Variants in PHACTR4 observed in about 807,000 individuals in gnomAD.
PHACTR4 encodes protein phosphatase 1, regulatory subunit 124.
A neutral mutation model predicts 72.7 loss-of-function variants in PHACTR4; 51 were observed. The ratio of observed to expected loss-of-function variants is 0.70; its 90% CI spans 0.56 to 0.89. The LOEUF is 0.89. Among genes scored for constraint, PHACTR4 ranks in the 40% least tolerant of loss-of-function variants. The pLI is 0.00. For synonymous variants in PHACTR4, 255 were observed against 302.5 expected (o/e 0.84, Z 1.63); for missense variants, 731 against 861.8 (o/e 0.85, Z 1.90).
intron 4 of PHACTR4, among the ~76,000 whole-genome samples, chr1:28,460,811 TTTTTTCATTTTTA>T (rs1348209734): frequency 1.3e-5 from 2 of 151,896 alleles, no homozygotes; most frequent in African/African-American, 4.8e-5. Context: ...GCCTGGCTAA[TTTTTTCATTTTTA>T]GTAGAGATGA....
chr1:28,494,798 T>C (rs1661243409), intron 13 of PHACTR4, among the ~76,000 whole-genome samples: 1 of 152,210 alleles, frequency 6.6e-6, no homozygotes, highest in African/African-American at 2.4e-5. Context: ...TTGCAGTCCC[T>C]CGCAATGCTT....
At chr1:28,467,713 T>C (rs533101857) in intron 6 of PHACTR4, among the ~76,000 whole-genome samples, 1 of 152,250 alleles carries the variant, frequency 6.6e-6, no homozygotes, top group East Asian at 1.9e-4. Flanking sequence ...AAAATCATGT[T>C]TTATCTTGGG....
intron 1 of PHACTR4, among the ~76,000 whole-genome samples, chr1:28,382,429 G>C (rs553841948): frequency 1.3e-5 from 2 of 151,078 alleles, no homozygotes; most frequent in Non-Finnish European, 2.9e-5. Context: ...TCAGCCTCCC[G>C]AGTAGCTGGG....
intron 1 of PHACTR4, among the ~76,000 whole-genome samples, chr1:28,387,766 C>T (rs1019495251): frequency 3.3e-5 from 5 of 151,138 alleles, no homozygotes; most frequent in African/African-American, 4.9e-5. Context: ...CTTGTTCTGT[C>T]GCCCAGGCTG....
Position 28,378,569 on chromosome 1 carries a change from GCC to G in PHACTR4, c.-39+8754_-39+8755del, listed in dbSNP as rs71027274. On this transcript the variant is annotated intron_variant, in intron 1 of 13. Coordinates refer to ENST00000373839, the MANE Select transcript of PHACTR4 (RefSeq NM_001048183.3). The stretch of plus-strand genomic sequence containing the variant: ...TTTTCTTTCTTTCTTTCTCCCCCCA[GCC>G]CCCCCCCCCTTTTTTTTTAACAACC... Among the ~76,000 whole-genome samples the G allele has an allele frequency of 6.4e-3, 407 of 63,676 alleles. 6 individuals carry two copies. In the East Asian group the frequency reaches 0.11, roughly 17 times the overall value. 41.8% of individuals were successfully genotyped at this position (63,676 alleles called of 152,430 possible). A position where few individuals can be genotyped will look rare whatever the true frequency, so the allele number is the denominator to read the frequency against.
At chr1:28,480,402 T>G (rs745403593) in intron 8 of PHACTR4, 49 bp from the exon 9 acceptor site, 9 of 1,604,408 alleles carry the variant, frequency 5.6e-6, no homozygotes, top group Non-Finnish European at 6.8e-6. Flanking sequence ...GGTTGAACCT[T>G]TGGCTTTAAG....
chr1:28,369,889 C>G, intron 1 of PHACTR4, 64 bp downstream of exon 1: 1 of 411,666 alleles, frequency 2.4e-6, no homozygotes, highest in Admixed American at 3.0e-5. Context: ...GGCCTCCTCT[C>G]AGGCTGCGGC....
Position 28,489,226 on chromosome 1 carries a change from G to A in PHACTR4, c.1816+1G>A. The A allele has an allele frequency of 5.6e-6, 9 of 1,608,408 alleles. No homozygotes were observed. Among genetic ancestry groups the A allele is most frequent in the Non-Finnish European group, 6.8e-6 (8 of 1,175,822 alleles). On this transcript the variant is annotated splice_donor_variant, in intron 10 of 13. Transcript: ENST00000373839. LOFTEE classifies it high-confidence loss of function. ...CTAGAACAACGCAATATATTGCAAC[G>A]TGAGTCCAGTTATGGAAATAAAGTT...
At chr1:28,406,734 G>T (rs1345328528) in intron 1 of PHACTR4, among the ~76,000 whole-genome samples, 1 of 152,150 alleles carries the variant, frequency 6.6e-6, no homozygotes, top group Non-Finnish European at 1.5e-5. Flanking sequence ...TAGGAAGCTG[G>T]GTAGGGCAGA....
chr1:28,409,839 T>C (rs6686344), intron 2 of PHACTR4, among the ~76,000 whole-genome samples: 14,169 of 151,832 alleles, frequency 0.093, 1,469 homozygotes, highest in African/African-American at 0.26. Context: ...TGGCTTTCTT[T>C]CCCCCCTGAA....
At chr1:28,427,509 G>C (rs576307006) in intron 2 of PHACTR4, among the ~76,000 whole-genome samples, 137 of 152,284 alleles carry the variant, frequency 9.0e-4, no homozygotes, top group African/African-American at 3.1e-3. Context: ...CTGGGCAACA[G>C]AGCGAGACCC....
At chr1:28,409,951 A>ATT (rs57186471) in intron 2 of PHACTR4, among the ~76,000 whole-genome samples, 1,305 of 66,410 alleles carry the variant, frequency 0.02, 101 homozygotes, top group Middle Eastern at 0.037. Context: ...TTCTTCATAA[A>ATT]TTTTTTTTTT....
At chr1:28,420,111 G>C (rs1336301152) in intron 2 of PHACTR4, among the ~76,000 whole-genome samples, 1 of 152,126 alleles carries the variant, frequency 6.6e-6, no homozygotes, top group South Asian at 2.1e-4. Flanking sequence ...AAAATGAACT[G>C]TGAGTGGTCT....
chr1:28,465,919 A>G lies in PHACTR4; in HGVS notation c.436+70A>G, dbSNP rs917877219. On this transcript the variant is annotated intron_variant, in intron 5 of 13. Transcript: ENST00000373839. Reference sequence around the variant, plus strand: ...ATTCTCCTTACATAAGGGGTTTGCAAGAGAACAGGGAAAAGTGAAATCTAG... The same window carrying G: ...ATTCTCCTTACATAAGGGGTTTGCAGGAGAACAGGGAAAAGTGAAATCTAG... 6 of 1,446,526 alleles carry G rather than the reference A, an allele frequency of 4.1e-6. No homozygotes were observed. In the African/African-American group the frequency reaches 7.2e-5, roughly 17 times the overall value. The allele number at this position is 1,446,526 out of a possible 1,614,324, so 89.6% of individuals were successfully genotyped here.
intron 6 of PHACTR4, among the ~76,000 whole-genome samples, chr1:28,470,003 G>A (rs1659462738): frequency 6.6e-6 from 1 of 151,496 alleles, no homozygotes; most frequent in Non-Finnish European, 1.5e-5. Flanking sequence ...CGGTTGCAGT[G>A]AGCCAAAATT....
chr1:28,417,460 A>G (rs1270461506), intron 2 of PHACTR4, among the ~76,000 whole-genome samples: 1 of 152,220 alleles, frequency 6.6e-6, no homozygotes, highest in African/African-American at 2.4e-5. Flanking sequence ...AAGCACTGCA[A>G]TACCGCCACA....
intron 2 of PHACTR4, among the ~76,000 whole-genome samples, chr1:28,454,469 G>T (rs966476582): frequency 5.3e-5 from 8 of 151,556 alleles, no homozygotes; most frequent in Non-Finnish European, 1.2e-4. Flanking sequence ...GTAGAGATGG[G>T]GTTTCACCAT....
intron 2 of PHACTR4, among the ~76,000 whole-genome samples, chr1:28,440,692 C>T (rs1185501163): frequency 6.6e-6 from 1 of 152,056 alleles, no homozygotes; most frequent in Non-Finnish European, 1.5e-5. Flanking sequence ...CAGCAGTTTT[C>T]ATGGACTGAC....
At chr1:28,401,632 G>A (rs1214695730) in intron 1 of PHACTR4, among the ~76,000 whole-genome samples, 2 of 151,934 alleles carry the variant, frequency 1.3e-5, no homozygotes, top group Non-Finnish European at 2.9e-5. Context: ...TAGAGGCAGG[G>A]TCTGGCTCTG....
Sources: gnomAD v4.1 joint callset for allele counts (sites outside exome capture counted in the v4.1 genomes callset) on GRCh38, gnomAD v4.1.1 for gene constraint, MANE v1.5 for transcripts, NCBI Gene and HGNC (gene_info 2026-07-23, HGNC 2026-07-21) for gene names.